The following CTNNA3 variants were observed in gnomAD, a reference collection of about 807,000 sequenced individuals.
CTNNA3 encodes the protein catenin alpha 3, also known as catenin alpha-3.
CTNNA3 carries 76 observed loss-of-function variants against 95.7 expected under a neutral mutation model. The ratio of observed to expected loss-of-function variants is 0.79; its 90% confidence interval spans 0.66 to 0.96. CTNNA3 has a LOEUF of 0.96. Among genes scored for constraint, CTNNA3 ranks in the 40% least tolerant of loss-of-function variants. CTNNA3 has a pLI of 0.00. For missense variants in CTNNA3, 1,191 were observed against 1,089.8 expected (o/e 1.09, Z -1.31); for synonymous variants, 431 against 374.4 (o/e 1.15, Z -1.74).
chr10:66,590,162 T>C (rs1843500708), intron 10 of CTNNA3, among the ~76,000 whole-genome samples: 1 of 152,110 alleles, frequency 6.6e-6, no homozygotes, highest in Non-Finnish European at 1.5e-5. Context: ...AGTTGAAGGC[T>C]TCCCAAAATA....
intron 7 of CTNNA3, among the ~76,000 whole-genome samples, chr10:67,011,245 G>A (rs926938909): frequency 5.3e-5 from 8 of 151,694 alleles, no homozygotes; most frequent in African/African-American, 1.9e-4. Context: ...GGAGGCTGAG[G>A]CAGGAGAATT....
chr10:66,948,854 T>C (rs924790646), intron 7 of CTNNA3, among the ~76,000 whole-genome samples: 2 of 152,168 alleles, frequency 1.3e-5, no homozygotes, highest in African/African-American at 4.8e-5. Flanking sequence ...AATACTTCAG[T>C]GAAATGTTCT....
At chr10:66,053,666 C>T (rs1361009989) in intron 15 of CTNNA3, among the ~76,000 whole-genome samples, 1 of 152,022 alleles carries the variant, frequency 6.6e-6, no homozygotes, top group Non-Finnish European at 1.5e-5. Flanking sequence ...TAGTTGTACA[C>T]ATTATGAGGT....
chr10:66,389,353 T>C (rs1198492508), intron 11 of CTNNA3, among the ~76,000 whole-genome samples: 1 of 152,112 alleles, frequency 6.6e-6, no homozygotes, highest in Non-Finnish European at 1.5e-5. Context: ...TAGTGAAGAT[T>C]TTTCTTAACA....
chr10:66,116,816 G>A (rs1325722233), intron 13 of CTNNA3, among the ~76,000 whole-genome samples: 11 of 152,096 alleles, frequency 7.2e-5, no homozygotes, highest in Admixed American at 7.2e-4. Context: ...TCTTCACATG[G>A]AGCAGGAGAG....
chr10:67,355,743 T>A (rs1842786624), intron 5 of CTNNA3, among the ~76,000 whole-genome samples: 1 of 152,082 alleles, frequency 6.6e-6, no homozygotes, highest in Admixed American at 6.6e-5. Flanking sequence ...AATACAAAGC[T>A]ATCATCGTTT....
chr10:67,244,629 T>C (rs570746125), intron 5 of CTNNA3, among the ~76,000 whole-genome samples: 2 of 152,182 alleles, frequency 1.3e-5, no homozygotes, highest in Non-Finnish European at 1.5e-5. Flanking sequence ...GATAATGATA[T>C]GCTAAAATAA....
intron 15 of CTNNA3, among the ~76,000 whole-genome samples, chr10:66,022,085 T>C (rs2079230793): frequency 6.6e-6 from 1 of 151,970 alleles, no homozygotes; most frequent in Non-Finnish European, 1.5e-5. Flanking sequence ...CTCAAACTTT[T>C]GGGCTCAAAC....
At chr10:66,872,435 G>A (rs183514365) in intron 7 of CTNNA3, among the ~76,000 whole-genome samples, 2 of 152,148 alleles carry the variant, frequency 1.3e-5, no homozygotes, top group Admixed American at 1.3e-4. Context: ...TTGGGAGGCC[G>A]AGGCAGGTGG....
intron 12 of CTNNA3, among the ~76,000 whole-genome samples, chr10:66,310,857 G>A (rs1313162891): frequency 6.6e-6 from 1 of 151,730 alleles, no homozygotes; most frequent in Non-Finnish European, 1.5e-5. Flanking sequence ...CTAATTTTTT[G>A]TATTTTTAGT....
intron 13 of CTNNA3, among the ~76,000 whole-genome samples, chr10:66,243,146 A>G (rs1021920751): frequency 2.0e-5 from 3 of 152,192 alleles, no homozygotes; most frequent in African/African-American, 7.2e-5. Flanking sequence ...AGACTGACCA[A>G]ACAGACTCTT....
At chr10:66,829,301 A>AAC (rs1305532934) in intron 7 of CTNNA3, among the ~76,000 whole-genome samples, 3 of 152,188 alleles carry the variant, frequency 2.0e-5, no homozygotes, top group African/African-American at 7.2e-5. Context: ...GTAATATGCG[A>AAC]ATACATTAAT....
At chr10:67,189,355 G>T (rs12765242) in intron 6 of CTNNA3, among the ~76,000 whole-genome samples, 1 of 151,984 alleles carries the variant, frequency 6.6e-6, no homozygotes, top group African/African-American at 2.4e-5. Flanking sequence ...CTGGTCAAAA[G>T]ATTCAAAATT....
chr10:66,960,597 A>G (rs1849055448), intron 7 of CTNNA3, among the ~76,000 whole-genome samples: 1 of 152,336 alleles, frequency 6.6e-6, no homozygotes, highest in African/African-American at 2.4e-5. Flanking sequence ...AAAACAGAAG[A>G]CATTTGTTAA....
chr10:67,104,658 C>T (rs1589744455), intron 7 of CTNNA3, among the ~76,000 whole-genome samples: 2 of 146,838 alleles, frequency 1.4e-5, no homozygotes, highest in Admixed American at 1.4e-4. Flanking sequence ...CTGAACTCCA[C>T]AAGTGCAAGT....
At chr10:66,306,359 T>G (rs1305186270) in intron 12 of CTNNA3, among the ~76,000 whole-genome samples, 2 of 152,214 alleles carry the variant, frequency 1.3e-5, no homozygotes, top group East Asian at 3.8e-4. Flanking sequence ...TTCTTTTATT[T>G]TTTTAACTGC....
Position 66,575,783 on chromosome 10 carries a change from G to A in CTNNA3, c.1374+45909C>T, listed in dbSNP as rs144963295. Among the ~76,000 whole-genome samples the A allele has an allele frequency of 2.7e-3, 414 of 152,142 alleles. 3 individuals are homozygous for A. The highest frequency in any genetic ancestry group is 4.4e-3 in the Non-Finnish European group (298 of 68,010). The stretch of plus-strand genomic sequence containing the variant: ...GGCTCAAAGCAAATACAACATAACC[G>A]GTACATGGTTAGATTTCTAAGCCTC... On this transcript the variant is annotated intron_variant, in intron 10 of 17. Transcript: ENST00000433211.
At chr10:66,557,266 C>A (rs1181642045) in intron 10 of CTNNA3, among the ~76,000 whole-genome samples, 1 of 152,010 alleles carries the variant, frequency 6.6e-6, no homozygotes, top group Non-Finnish European at 1.5e-5. Flanking sequence ...TATCAATTTT[C>A]TATAAGTTCT....
At chr10:66,023,709 T>C (rs902097882) in intron 15 of CTNNA3, among the ~76,000 whole-genome samples, 3 of 152,242 alleles carry the variant, frequency 2.0e-5, no homozygotes, top group Admixed American at 1.3e-4. Flanking sequence ...GAAGTCTTGC[T>C]GAGTCTCACT....
Sources: allele counts gnomAD v4.1 joint callset (sites outside exome capture counted in the v4.1 genomes callset), GRCh38; gene constraint gnomAD v4.1.1; transcripts MANE v1.5; gene names NCBI Gene and HGNC (gene_info 2026-07-23, HGNC 2026-07-21).